AGBL1: variants seen among roughly 807,000 people sequenced by gnomAD.
AGBL1 encodes the protein cytosolic carboxypeptidase 4.
A neutral mutation model predicts 118.9 loss-of-function variants in AGBL1; 130 were observed. The observed-to-expected ratio is 1.09, with a 90% CI of 0.95 to 1.26. The LOEUF (loss-of-function observed/expected upper bound fraction) is 1.26, where lower values mean the gene tolerates loss of function less well. Among genes scored for constraint, AGBL1 ranks in the 50% most tolerant of loss-of-function variants. The pLI, the probability that AGBL1 is intolerant of heterozygous loss-of-function variation, is 0.00. For synonymous variants in AGBL1, 555 were observed against 478.9 expected, an observed-to-expected ratio of 1.16 and a Z score of -2.08; for missense variants, 1,584 against 1,298.1, an observed-to-expected ratio of 1.22 and a Z score of -3.38.
chr15:86,140,822 C>G (rs138633649), intron 1 of AGBL1, among the ~76,000 whole-genome samples: 268 of 152,218 alleles, frequency 1.8e-3, no homozygotes, highest in Middle Eastern at 6.8e-3. Flanking sequence ...CAGGAAACTC[C>G]AAGGGGTTCC....
rs549701391 is a variant in AGBL1, at chr15:86,788,059, T to A, written c.3158+113623T>A. On this transcript the variant is annotated intron_variant, in intron 22 of 22. Transcript: ENST00000614907. ...AAATGTACATCAACTTTTTATAAAG[T>A]AGAAGGATGAGGAAATGGGAGATGC... is the stretch of plus-strand genomic sequence containing the variant. Among the ~76,000 whole-genome samples, 4 of 152,012 alleles carry A rather than the reference T, an allele frequency of 2.6e-5. No homozygotes were observed. In the South Asian group the frequency reaches 6.2e-4, roughly 24 times the overall value.
At chr15:86,305,982 A>G (rs951234452) in intron 17 of AGBL1, among the ~76,000 whole-genome samples, 3 of 151,680 alleles carry the variant, frequency 2.0e-5, no homozygotes, top group Admixed American at 2.0e-4. Context: ...TTTATACTTA[A>G]TAGTTTTTAA....
chr15:86,867,555 G>T (rs904367064), intron 22 of AGBL1, among the ~76,000 whole-genome samples: 3 of 152,028 alleles, frequency 2.0e-5, no homozygotes, highest in Non-Finnish European at 4.4e-5. Flanking sequence ...TTGATGCTTT[G>T]GTGAAGACTC....
intron 22 of AGBL1, among the ~76,000 whole-genome samples, chr15:86,833,127 A>G (rs913880416): frequency 5.9e-5 from 9 of 152,128 alleles, no homozygotes; most frequent in Admixed American, 5.9e-4. Context: ...ATTGCTTCGC[A>G]TTGGGTTCCT....
chr15:86,547,915 T>C (rs2083607521), intron 20 of AGBL1, among the ~76,000 whole-genome samples: 1 of 152,206 alleles, frequency 6.6e-6, no homozygotes, highest in African/African-American at 2.4e-5. Context: ...TTTGGTCACA[T>C]CCCTGGCTTT....
chr15:86,975,804 G>A (rs575574674), intron 23 of AGBL1, among the ~76,000 whole-genome samples: 252 of 152,152 alleles, frequency 1.7e-3, no homozygotes, highest in East Asian at 2.9e-3. Context: ...AAATATGATC[G>A]CAGTTATAAA....
intron 21 of AGBL1, among the ~76,000 whole-genome samples, chr15:86,555,825 G>C (rs537682445): frequency 2.5e-4 from 38 of 151,940 alleles, no homozygotes; most frequent in Admixed American, 9.8e-4. Flanking sequence ...GGGACTAAAA[G>C]AAAACATATA....
intron 22 of AGBL1, among the ~76,000 whole-genome samples, chr15:86,741,626 A>G (rs2077681511): frequency 6.6e-6 from 1 of 152,096 alleles, no homozygotes; most frequent in African/African-American, 2.4e-5. Context: ...GCAATCAAAC[A>G]GCAATGAGAA....
chr15:86,728,124 A>G (rs76812820), intron 22 of AGBL1, among the ~76,000 whole-genome samples: 2,543 of 152,284 alleles, frequency 0.017, 39 homozygotes, highest in Non-Finnish European at 0.024. Flanking sequence ...AGCCTGGCAA[A>G]GGGTCTAACA....
At chr15:86,578,773 A>G (rs1272465307) in intron 21 of AGBL1, among the ~76,000 whole-genome samples, 4 of 152,152 alleles carry the variant, frequency 2.6e-5, no homozygotes, top group Non-Finnish European at 5.9e-5. Flanking sequence ...CCATCCATGT[A>G]AGACGTGACT....
At chr15:86,964,070 C>T (rs577107057) in intron 23 of AGBL1, among the ~76,000 whole-genome samples, 4 of 148,726 alleles carry the variant, frequency 2.7e-5, no homozygotes, top group African/African-American at 9.9e-5. Flanking sequence ...TGTGTGACTT[C>T]AAACAATTTG....
At chr15:86,565,084 C>A (rs2142295936) in intron 21 of AGBL1, among the ~76,000 whole-genome samples, 1 of 152,328 alleles carries the variant, frequency 6.6e-6, no homozygotes, top group African/African-American at 2.4e-5. Context: ...GAATTTCCTC[C>A]TTTAGCTCGG....
At chr15:86,117,339 T>C (rs184852956) in intron 1 of AGBL1, among the ~76,000 whole-genome samples, 1 of 152,226 alleles carries the variant, frequency 6.6e-6, no homozygotes, top group East Asian at 1.9e-4. Flanking sequence ...TATTTCTCAG[T>C]ATTTGAGAAT....
At chr15:86,556,381 C>T (rs2142275131) in intron 21 of AGBL1, 4 of 1,057,988 alleles carry the variant, frequency 3.8e-6, no homozygotes, top group Non-Finnish European at 5.7e-6. Flanking sequence ...TAGAGAAAGC[C>T]CTAACAGTGC....
chr15:86,342,874 A>C (rs990936042), intron 17 of AGBL1, among the ~76,000 whole-genome samples: 2 of 152,244 alleles, frequency 1.3e-5, no homozygotes, highest in Non-Finnish European at 2.9e-5. Context: ...GAATATGTTC[A>C]AAGTAATTAG....
Position 86,558,552 on chromosome 15 carries a change from G to A in AGBL1, c.2994+4015G>A, listed in dbSNP as rs148786604. 2.5e-3 allele frequency among the ~76,000 whole-genome samples: 382 copies of A among 152,292 alleles called. 1 individual carries two copies. Among genetic ancestry groups the A allele is most frequent in the African/African-American group, 8.8e-3 (364 of 41,560 alleles). On this transcript the variant is annotated intron_variant, in intron 21 of 22. Coordinates refer to ENST00000614907, the MANE Select transcript of AGBL1 (RefSeq NM_001386094.1). ...GCAAGCACTCCCCAGAAGTCCTTCT[G>A]TATGCAAATCTCAGCATCTCAGAGG...
intron 22 of AGBL1, among the ~76,000 whole-genome samples, chr15:86,711,186 T>C (rs2086549864): frequency 6.6e-6 from 1 of 152,188 alleles, no homozygotes. Context: ...TTTCAAGTGT[T>C]TTCCTCTCTG....
intron 22 of AGBL1, among the ~76,000 whole-genome samples, chr15:86,891,580 A>G (rs1182227825): frequency 4.9e-5 from 6 of 122,780 alleles, no homozygotes; most frequent in East Asian, 5.1e-4. Flanking sequence ...AATAATGAGG[A>G]AAAAAAAAAA....
intron 24 of AGBL1, among the ~76,000 whole-genome samples, chr15:87,025,501 G>C (rs1172387563): frequency 1.3e-5 from 2 of 152,126 alleles, no homozygotes; most frequent in Admixed American, 6.6e-5. Context: ...AATCATAGAT[G>C]ACACAAACAA....
Sources: allele counts gnomAD v4.1 joint callset (sites outside exome capture counted in the v4.1 genomes callset), GRCh38; gene constraint gnomAD v4.1.1; transcripts MANE v1.5; gene names NCBI Gene and HGNC (gene_info 2026-07-23, HGNC 2026-07-21).